Variants in KIAA1958 observed in about 807,000 individuals in gnomAD.
KIAA1958 encodes KIAA1958, also known as uncharacterized protein KIAA1958.
A neutral mutation model predicts 47.2 loss-of-function variants in KIAA1958; 14 were observed. That is an observed-to-expected ratio of 0.30 (90% CI 0.20 to 0.46). The LOEUF (loss-of-function observed/expected upper bound fraction) is 0.46, where lower values mean the gene tolerates loss of function less well. Among genes scored for constraint, KIAA1958 ranks in the 20% least tolerant of loss-of-function variants. The pLI is 1.00. For missense variants in KIAA1958, 803 were observed against 909.2 expected (o/e 0.88, Z 1.50); for synonymous variants, 354 against 353.3 (o/e 1.00, Z -0.02).
At chr9:112,531,257 G>A (rs1416027826) in intron 1 of KIAA1958, among the ~76,000 whole-genome samples, 6 of 152,090 alleles carry the variant, frequency 3.9e-5, no homozygotes, top group African/African-American at 1.4e-4. Context: ...GCGTGGTGGC[G>A]CATGCCTGTA....
intron 2 of KIAA1958, among the ~76,000 whole-genome samples, chr9:112,614,651 C>A (rs1319246152): frequency 6.6e-6 from 1 of 152,136 alleles, no homozygotes; most frequent in African/African-American, 2.4e-5. Flanking sequence ...GTAGCTCATT[C>A]CTGGCTATTA....
At position 112,527,306 on chromosome 9, in the gene KIAA1958, G is replaced by A. The variant is rs76232167; in HGVS notation, c.-25+40188G>A. 6.1e-3 allele frequency among the ~76,000 whole-genome samples: 933 copies of A among 152,246 alleles called. 37 individuals carry two copies. The South Asian group carries it at 0.094, about 15-fold the overall frequency. On this transcript the variant is annotated intron_variant, in intron 1 of 3. Transcript: ENST00000337530. ...AGACCTTTTCAAAATCCTTTTGAAA[G>A]GATTTTAGTTGAGATCCATGGAACA...
chr9:112,574,370 G>T lies in KIAA1958; in HGVS notation c.290G>T (p.Ser97Ile). The change falls in exon 2 of 4, where the codon AGC becomes ATC. Residue 97 changes from serine (S) to isoleucine (I), a missense_variant. Coordinates refer to ENST00000337530, the MANE Select transcript of KIAA1958 (RefSeq NM_133465.4). The stretch of plus-strand genomic sequence containing the variant: ...GGGGTGCCCTCTGAGACACAGACTA[G>T]CCCTGTTGAAAGGTACCCTGGGAGA... ...IIGVPSETQT[S>I]PVERYPGRPV... is the part of the protein sequence containing the mutation. The T allele has an allele frequency of 1.2e-6, 2 of 1,614,172 alleles. No individual in the cohort carries two copies. The highest frequency in any genetic ancestry group is 1.7e-6 in the Non-Finnish European group (2 of 1,180,014).
chr9:112,557,923 T>C (rs528541971), intron 1 of KIAA1958, among the ~76,000 whole-genome samples: 27 of 152,148 alleles, frequency 1.8e-4, no homozygotes, highest in Non-Finnish European at 4.0e-4. Context: ...CTGGACACTT[T>C]GCATAAAAGT....
At chr9:112,607,471 A>G (rs1371787039) in intron 2 of KIAA1958, among the ~76,000 whole-genome samples, 3 of 152,092 alleles carry the variant, frequency 2.0e-5, no homozygotes, top group Non-Finnish European at 4.4e-5. Flanking sequence ...GGAATGGGGA[A>G]CTTAGGTTGG....
intron 1 of KIAA1958, among the ~76,000 whole-genome samples, chr9:112,491,417 C>T (rs185782278): frequency 2.6e-5 from 4 of 152,298 alleles, no homozygotes; most frequent in African/African-American, 4.8e-5. Flanking sequence ...GTAGCTCCCC[C>T]CTTGGTTGCT....
intron 2 of KIAA1958, among the ~76,000 whole-genome samples, chr9:112,638,661 C>T (rs1005705951): frequency 3.2e-4 from 49 of 152,122 alleles, no homozygotes; most frequent in African/African-American, 1.1e-3. Context: ...GGAAAATTCT[C>T]GACCAATATT....
At position 112,659,729 on chromosome 9, in the gene KIAA1958, A is replaced by G; in HGVS notation, c.1811A>G (p.Glu604Gly). Reference protein sequence around the residue: ...YFARTDSVKRESRSGSTRVCH... With the variant: ...YFARTDSVKRGSRSGSTRVCH... ...GCCCGGACGGACAGCGTCAAGCGGG[A>G]GAGTCGGAGCGGCTCCACCAGAGTG... Residue 604 changes from glutamate (E) to glycine (G), a missense_variant, in exon 4 of 4, where the codon GAG (glutamate) becomes GGG (glycine). Physicochemically the swap from Glu to Gly is moderately conservative, Grantham distance 98 (BLOSUM62 -2). Transcript: ENST00000337530. 6.2e-7 allele frequency: 1 copy of G among 1,614,112 alleles called. No homozygotes were observed. Among genetic ancestry groups the G allele is most frequent in the South Asian group, 1.1e-5 (1 of 91,076 alleles).
intron 1 of KIAA1958, among the ~76,000 whole-genome samples, chr9:112,547,203 C>A (rs1220577204): frequency 2.1e-5 from 3 of 144,766 alleles, no homozygotes; most frequent in Non-Finnish European, 4.5e-5. Context: ...ATGGCGAAAC[C>A]CCATCTCTAC....
intron 1 of KIAA1958, among the ~76,000 whole-genome samples, chr9:112,522,500 G>A (rs1834563859): frequency 6.6e-6 from 1 of 152,162 alleles, no homozygotes; most frequent in South Asian, 2.1e-4. Flanking sequence ...TCACTGTGCT[G>A]TATAGATCTA....
intron 1 of KIAA1958, among the ~76,000 whole-genome samples, chr9:112,507,629 C>T (rs912401706): frequency 6.6e-6 from 1 of 152,020 alleles, no homozygotes; most frequent in Non-Finnish European, 1.5e-5. Context: ...GATTACAGGC[C>T]CTGAGCGACT....
At chr9:112,528,181 A>G (rs576850602) in intron 1 of KIAA1958, among the ~76,000 whole-genome samples, 1 of 152,188 alleles carries the variant, frequency 6.6e-6, no homozygotes, top group Non-Finnish European at 1.5e-5. Context: ...CCATCTTACC[A>G]TATCCACCTC....
intron 2 of KIAA1958, among the ~76,000 whole-genome samples, chr9:112,609,138 A>T (rs1209304271): frequency 6.6e-6 from 1 of 152,228 alleles, no homozygotes; most frequent in Non-Finnish European, 1.5e-5. Context: ...CTTGACATAT[A>T]TTCACATATA....
Position 112,667,655 on chromosome 9 carries a change from C to T in KIAA1958, c.*7586C>T, listed in dbSNP as rs1837368011. On this transcript the variant is annotated 3_prime_UTR_variant, in exon 4 of 4. Coordinates refer to ENST00000337530, the MANE Select transcript of KIAA1958 (RefSeq NM_133465.4). ...GGCTTCAGACTTCTGCTCTATAGCA[C>T]CAAATGCCAGGAAACAATAGAGAAT... The T allele has an allele frequency of 6.6e-6, 1 of 152,090 alleles. No individual in the cohort carries two copies. Among genetic ancestry groups the T allele is most frequent in the Non-Finnish European group, 1.5e-5 (1 of 68,004 alleles). The allele number at this position is 152,090 out of a possible 1,614,324, so 9.4% of individuals were successfully genotyped here. A position where few individuals can be genotyped will look rare whatever the true frequency, so the allele number is the denominator to read the frequency against.
intron 3 of KIAA1958, among the ~76,000 whole-genome samples, chr9:112,655,948 A>G (rs1837142971): frequency 6.6e-6 from 1 of 152,190 alleles, no homozygotes; most frequent in East Asian, 1.9e-4. Flanking sequence ...GTGTAAGTTG[A>G]ATAAGTACAT....
At chr9:112,583,466 A>G (rs1835768064) in intron 2 of KIAA1958, among the ~76,000 whole-genome samples, 1 of 152,188 alleles carries the variant, frequency 6.6e-6, no homozygotes, top group African/African-American at 2.4e-5. Context: ...TTGGAATTCA[A>G]TTTTTAAATG....
chr9:112,589,960 T>C (rs1169925472), intron 2 of KIAA1958, among the ~76,000 whole-genome samples: 1 of 152,208 alleles, frequency 6.6e-6, no homozygotes, highest in Non-Finnish European at 1.5e-5. Flanking sequence ...TCAGATCCAC[T>C]TGTTACTGCC....
At chr9:112,651,422 T>G (rs955054713) in intron 3 of KIAA1958, among the ~76,000 whole-genome samples, 2 of 149,476 alleles carry the variant, frequency 1.3e-5, no homozygotes, top group African/African-American at 4.9e-5. Context: ...GGAGACAGAG[T>G]CTCACTCTAT....
rs144725474 is a variant in KIAA1958 at position 112,538,857 on chromosome 9, C to A, written c.-24-35200C>A. Among the ~76,000 whole-genome samples the A allele has an allele frequency of 8.5e-5, 13 of 152,276 alleles. No homozygotes were observed. In the East Asian group the frequency reaches 2.5e-3, roughly 29 times the overall value. On this transcript the variant is annotated intron_variant, in intron 1 of 3. Coordinates refer to ENST00000337530, the MANE Select transcript of KIAA1958 (RefSeq NM_133465.4). The stretch of plus-strand genomic sequence containing the variant: ...TTCTAAGTGTTTTACAGTATTAAAT[C>A]ATTGATCCTCACAAAAAACTTATGA...
Sources: gnomAD v4.1 joint callset for allele counts (sites outside exome capture counted in the v4.1 genomes callset) on GRCh38, gnomAD v4.1.1 for gene constraint, MANE v1.5 for transcripts, NCBI Gene and HGNC (gene_info 2026-07-23, HGNC 2026-07-21) for gene names.